The following FRMD6 variants were observed in gnomAD, a reference collection of about 807,000 sequenced individuals.
FRMD6 encodes FERM domain-containing protein 6.
In FRMD6, 37 loss-of-function variants were observed where a neutral mutation model predicts 73.2. The ratio of observed to expected loss-of-function variants is 0.51; its 90% confidence interval spans 0.39 to 0.66. The LOEUF is 0.66. FRMD6 is among the 30% of genes least tolerant of loss of function. The pLI is 0.00. For missense variants in FRMD6, 714 were observed against 780.5 expected, an observed-to-expected ratio of 0.91 and a Z score of 1.02; for synonymous variants, 273 against 282.2, an observed-to-expected ratio of 0.97 and a Z score of 0.33.
At chr14:51,413,515 T>C in the FRMD6 span, among the ~76,000 whole-genome samples, 1 of 152,212 alleles carries the variant, frequency 6.6e-6, no homozygotes, top group South Asian at 2.1e-4. Context: ...CTGCATAGTA[T>C]TCCATGGTGT....
At position 51,720,253 on chromosome 14, in the gene FRMD6, C is replaced by G. The variant is rs752330109; in HGVS notation, c.1223C>G (p.Pro408Arg). 2 of 1,613,912 alleles carry G rather than the reference C, an allele frequency of 1.2e-6. No individual in the cohort carries two copies. The highest frequency in any genetic ancestry group is 1.7e-5 in the Admixed American group (1 of 59,980). Residue 408 changes from proline to arginine, a missense_variant, in exon 11 of 14, where the codon CCA becomes CGA. Transcript: ENST00000344768. ...GACACCAAGCCCCGGGACACGGGGCCAGAAGACAGCTACTCCAGCAGTGCC... is the reference window on the plus strand; with the variant it reads ...GACACCAAGCCCCGGGACACGGGGCGAGAAGACAGCTACTCCAGCAGTGCC... ...EADTKPRDTG[P>R]EDSYSSSAIH...
chr14:51,554,008 C>T (rs1483440854), intron 1 of FRMD6, among the ~76,000 whole-genome samples: 3 of 151,916 alleles, frequency 2.0e-5, no homozygotes, highest in East Asian at 1.9e-4. Context: ...CTTGGAGACA[C>T]GAATGATTCT....
At chr14:51,397,481 T>A in the FRMD6 span, among the ~76,000 whole-genome samples, 2 of 152,206 alleles carry the variant, frequency 1.3e-5, no homozygotes, top group African/African-American at 4.8e-5. Context: ...TGGAAACACT[T>A]GCAAAGTATA....
the FRMD6 span, among the ~76,000 whole-genome samples, chr14:51,420,010 A>G: frequency 2.0e-4 from 25 of 126,236 alleles, no homozygotes; most frequent in South Asian, 4.6e-4. Flanking sequence ...CGTTAGGTGT[A>G]GTCATGTGAC....
intron 2 of FRMD6, among the ~76,000 whole-genome samples, chr14:51,602,765 TA>T (rs1250637334): frequency 1.3e-5 from 2 of 152,246 alleles, no homozygotes; most frequent in African/African-American, 4.8e-5. Flanking sequence ...AACAGTTTTT[TA>T]ACACTTATAA....
the FRMD6 span, among the ~76,000 whole-genome samples, chr14:51,432,749 C>G: frequency 6.6e-6 from 1 of 152,158 alleles, no homozygotes; most frequent in Admixed American, 6.5e-5. Flanking sequence ...CGGACCACCT[C>G]TGGGAGGAAT....
the FRMD6 span, among the ~76,000 whole-genome samples, chr14:51,482,135 A>C: frequency 4.6e-5 from 7 of 152,238 alleles, no homozygotes; most frequent in Non-Finnish European, 8.8e-5. Flanking sequence ...CAACTTGATT[A>C]GTGTTTTCCA....
At chr14:51,398,852 G>C in the FRMD6 span, among the ~76,000 whole-genome samples, 1 of 152,106 alleles carries the variant, frequency 6.6e-6, no homozygotes, top group African/African-American at 2.4e-5. Context: ...CATCACCAAA[G>C]AGAGTGCCCC....
the FRMD6 span, among the ~76,000 whole-genome samples, chr14:51,413,696 A>G: frequency 2.6e-5 from 4 of 152,212 alleles, no homozygotes; most frequent in African/African-American, 9.7e-5. Context: ...GCTGGGTCAA[A>G]TGGTATTTCT....
the FRMD6 span, among the ~76,000 whole-genome samples, chr14:51,402,015 G>T: frequency 6.6e-6 from 1 of 152,336 alleles, no homozygotes; most frequent in South Asian, 2.1e-4. Context: ...GAGGGAATCT[G>T]AGTAACCAGG....
chr14:51,619,556 C>T (rs538997073), intron 2 of FRMD6, among the ~76,000 whole-genome samples: 17 of 152,322 alleles, frequency 1.1e-4, no homozygotes, highest in African/African-American at 3.4e-4. Flanking sequence ...CACCACCTCA[C>T]AGAAGCTTCC....
At chr14:51,475,651 GC>G in the FRMD6 span, among the ~76,000 whole-genome samples, 1 of 152,170 alleles carries the variant, frequency 6.6e-6, no homozygotes, top group Non-Finnish European at 1.5e-5. Context: ...ACATAGATAT[GC>G]TATTATGGTT....
At chr14:51,609,948 T>G (rs968380938) in intron 2 of FRMD6, among the ~76,000 whole-genome samples, 1 of 152,126 alleles carries the variant, frequency 6.6e-6, no homozygotes, top group African/African-American at 2.4e-5. Context: ...CAGAGAAACC[T>G]CTGAAAGTTT....
chr14:51,640,809 G>A (rs1891775194), intron 2 of FRMD6, among the ~76,000 whole-genome samples: 1 of 152,044 alleles, frequency 6.6e-6, no homozygotes, highest in African/African-American at 2.4e-5. Flanking sequence ...GTAGCTATTT[G>A]TTTAAAACAC....
chr14:51,434,423 G>T, the FRMD6 span, among the ~76,000 whole-genome samples: 1 of 152,160 alleles, frequency 6.6e-6, no homozygotes, highest in Non-Finnish European at 1.5e-5. Context: ...AGGTAAGGAA[G>T]TACTCAAAAA....
At chr14:51,639,434 CAA>C (rs200501528) in intron 2 of FRMD6, among the ~76,000 whole-genome samples, 29,293 of 144,710 alleles carry the variant, frequency 0.2, 3,023 homozygotes, top group African/African-American at 0.29. Flanking sequence ...GACTCCATCT[CAA>C]AAAAAAAAAA....
At chr14:51,559,015 G>A (rs1370067401) in intron 1 of FRMD6, among the ~76,000 whole-genome samples, 1 of 152,192 alleles carries the variant, frequency 6.6e-6, no homozygotes, top group Non-Finnish European at 1.5e-5. Context: ...GCTACTTTAT[G>A]AGTACAGTGT....
the FRMD6 span, among the ~76,000 whole-genome samples, chr14:51,430,029 T>C: frequency 7.2e-5 from 11 of 152,130 alleles, no homozygotes; most frequent in African/African-American, 2.7e-4. Context: ...TGCATGAAGC[T>C]CAAGAAGAAA....
intron 7 of FRMD6, 126 bp from the exon 8 acceptor site, chr14:51,711,405 T>G: frequency 1.8e-6 from 1 of 557,302 alleles, no homozygotes; most frequent in Non-Finnish European, 3.1e-6. Context: ...TTGAGCAAAG[T>G]TATTTTAAGT....
Sources: gnomAD v4.1 joint callset for allele counts (sites outside exome capture counted in the v4.1 genomes callset) on GRCh38, gnomAD v4.1.1 for gene constraint, MANE v1.5 for transcripts, NCBI Gene and HGNC (gene_info 2026-07-23, HGNC 2026-07-21) for gene names.